The following RAP1GDS1 variants were observed in gnomAD, a reference collection of about 807,000 sequenced individuals.
RAP1GDS1 encodes Rap1 GTPase-GDP dissociation stimulator 1.
In RAP1GDS1, 35 loss-of-function variants were observed where a neutral mutation model predicts 71.1. The ratio of observed to expected loss-of-function variants is 0.49; its 90% CI spans 0.38 to 0.65. The LOEUF is 0.65. Among genes scored for constraint, RAP1GDS1 ranks in the 30% least tolerant of loss-of-function variants. The probability of loss-of-function intolerance (pLI) is 0.00; values close to 1 mark genes in which losing one functional copy is unlikely to be tolerated. For missense variants in RAP1GDS1, 663 were observed against 706.1 expected, an observed-to-expected ratio of 0.94 and a Z score of 0.69; for synonymous variants, 229 against 243.1, an observed-to-expected ratio of 0.94 and a Z score of 0.54.
intron 7 of RAP1GDS1, among the ~76,000 whole-genome samples, chr4:98,410,681 A>G (rs1333233355): frequency 6.6e-6 from 1 of 152,232 alleles, no homozygotes; most frequent in African/African-American, 2.4e-5. Flanking sequence ...AAAGGAATGA[A>G]GACAGCTGTA....
intron 6 of RAP1GDS1, among the ~76,000 whole-genome samples, chr4:98,400,962 A>G (rs1745324550): frequency 6.6e-6 from 1 of 152,216 alleles, no homozygotes; most frequent in Non-Finnish European, 1.5e-5. Flanking sequence ...AACATCTCAG[A>G]AAATTTCTTA....
chr4:98,272,296 A>G (rs985940498), intron 1 of RAP1GDS1, among the ~76,000 whole-genome samples: 2 of 152,206 alleles, frequency 1.3e-5, no homozygotes, highest in African/African-American at 4.8e-5. Context: ...ATGGGAAGTA[A>G]GTTTATTCCT....
At chr4:98,408,970 G>A (rs1363788736) in intron 7 of RAP1GDS1, among the ~76,000 whole-genome samples, 2 of 152,042 alleles carry the variant, frequency 1.3e-5, no homozygotes, top group African/African-American at 4.8e-5. Context: ...TTGAGATTGG[G>A]ACAAGAAGGA....
intron 4 of RAP1GDS1, among the ~76,000 whole-genome samples, chr4:98,372,968 G>A (rs1254536162): frequency 2.0e-5 from 3 of 152,200 alleles, no homozygotes; most frequent in Admixed American, 6.5e-5. Flanking sequence ...GAGATTATAG[G>A]CGTGAGCCAC....
intron 2 of RAP1GDS1, among the ~76,000 whole-genome samples, chr4:98,319,176 C>G (rs1731398984): frequency 6.6e-6 from 1 of 152,164 alleles, no homozygotes; most frequent in Non-Finnish European, 1.5e-5. Flanking sequence ...GAGTCTGTGT[C>G]TTGTTAGCCA....
intron 1 of RAP1GDS1, among the ~76,000 whole-genome samples, chr4:98,289,554 CAAAAAAAAAAA>C (rs6148589): frequency 0.098 from 10,031 of 102,480 alleles, 416 homozygotes; most frequent in Admixed American, 0.2. Context: ...CTCTGGTAAA[CAAAAAAAAAAA>C]AAAAAAAAAA....
intron 2 of RAP1GDS1, among the ~76,000 whole-genome samples, chr4:98,314,549 T>A (rs1254351152): frequency 6.6e-6 from 1 of 152,186 alleles, no homozygotes; most frequent in Non-Finnish European, 1.5e-5. Flanking sequence ...TGAACTTATG[T>A]CAGTGTGTAT....
intron 12 of RAP1GDS1, among the ~76,000 whole-genome samples, chr4:98,423,101 T>C (rs955299139): frequency 2.0e-5 from 3 of 152,254 alleles, no homozygotes; most frequent in African/African-American, 4.8e-5. Flanking sequence ...TAAAAACAGC[T>C]AGCTTAAGTA....
intron 4 of RAP1GDS1, among the ~76,000 whole-genome samples, chr4:98,362,351 T>C (rs950601767): frequency 3.3e-5 from 5 of 152,100 alleles, no homozygotes; most frequent in African/African-American, 1.2e-4. Flanking sequence ...ATGGAGCACT[T>C]CTGTAGTCCT....
At chr4:98,381,907 T>A (rs1006004921) in intron 5 of RAP1GDS1, among the ~76,000 whole-genome samples, 5 of 151,572 alleles carry the variant, frequency 3.3e-5, no homozygotes, top group Admixed American at 1.3e-4. Context: ...ATTTTCAAAT[T>A]ATTTATTAGT....
intron 1 of RAP1GDS1, among the ~76,000 whole-genome samples, chr4:98,273,635 A>G (rs1364437265): frequency 6.6e-6 from 1 of 152,218 alleles, no homozygotes; most frequent in Admixed American, 6.5e-5. Flanking sequence ...CAGTTTTACA[A>G]ATTTCATCTT....
chr4:98,414,876 T>A (rs1747691724), intron 7 of RAP1GDS1, among the ~76,000 whole-genome samples: 1 of 151,798 alleles, frequency 6.6e-6, no homozygotes, highest in South Asian at 2.1e-4. Context: ...TTTGTTTGTA[T>A]CCTCTTTTAT....
chr4:98,303,651 A>ATATAC (rs1302555128), intron 2 of RAP1GDS1, among the ~76,000 whole-genome samples: 27 of 148,058 alleles, frequency 1.8e-4, no homozygotes, highest in African/African-American at 6.6e-4. Flanking sequence ...ATATAATATA[A>ATATAC]TATAATATAA....
intron 10 of RAP1GDS1, among the ~76,000 whole-genome samples, chr4:98,419,277 C>G (rs1281858398): frequency 6.6e-6 from 1 of 151,948 alleles, no homozygotes; most frequent in Admixed American, 6.6e-5. Context: ...TGGTCTTGAA[C>G]TCCTGGGCTC....
chr4:98,340,798 TA>T (rs1251246037), intron 2 of RAP1GDS1, among the ~76,000 whole-genome samples: 1 of 151,710 alleles, frequency 6.6e-6, no homozygotes, highest in African/African-American at 2.4e-5. Flanking sequence ...TAAATATATA[TA>T]TAAAAAGTGG....
intron 1 of RAP1GDS1, among the ~76,000 whole-genome samples, chr4:98,283,170 A>G (rs1455526166): frequency 6.6e-6 from 1 of 152,222 alleles, no homozygotes; most frequent in Non-Finnish European, 1.5e-5. Flanking sequence ...ACTGATCATT[A>G]CAAAATGCAA....
At position 98,404,506 on chromosome 4, in the gene RAP1GDS1, A is replaced by G. The variant is rs545725202; in HGVS notation, c.667A>G (p.Asn223Asp). Residue 223 changes from asparagine (N) to aspartate (D), a missense_variant, in exon 7 of 15, where the codon AAC becomes GAC. Physicochemically the swap from Asn to Asp is conservative, Grantham distance 23 (BLOSUM62 1). Transcript: ENST00000408927. ...ESSKEQFAST[N>D]IAEELVKLFK... ...AAGTAAAGAACAGTTTGCCAGTACA[A>G]ACATTGCTGAAGAGCTAGTAAAACT... The G allele has an allele frequency of 6.2e-7, 1 of 1,607,186 alleles. No homozygotes were observed. The highest frequency in any genetic ancestry group is 1.3e-5 in the African/African-American group (1 of 74,668).
At chr4:98,386,510 C>T (rs1381483122) in intron 5 of RAP1GDS1, among the ~76,000 whole-genome samples, 3 of 150,260 alleles carry the variant, frequency 2.0e-5, no homozygotes, top group Non-Finnish European at 3.0e-5. Context: ...TTGTTAGCGA[C>T]TAGGAAGAAA....
intron 13 of RAP1GDS1, among the ~76,000 whole-genome samples, chr4:98,436,079 AATAT>A (rs770519660): frequency 0.046 from 6,616 of 143,100 alleles, 489 homozygotes; most frequent in African/African-American, 0.16. Context: ...TCAAAAAAAA[AATAT>A]ATATATATAT....
Sources: gnomAD v4.1 joint callset for allele counts (sites outside exome capture counted in the v4.1 genomes callset) on GRCh38, gnomAD v4.1.1 for gene constraint, MANE v1.5 for transcripts, NCBI Gene and HGNC (gene_info 2026-07-23, HGNC 2026-07-21) for gene names.